Variants in ELOA observed in about 807,000 individuals in gnomAD.
The protein encoded by ELOA is elongin A, also known as elongin-A.
A neutral mutation model predicts 85.2 loss-of-function variants in ELOA; 15 were observed. The observed-to-expected ratio is 0.18, with a 90% CI of 0.12 to 0.27. The LOEUF (loss-of-function observed/expected upper bound fraction) is 0.27, where lower values mean the gene tolerates loss of function less well. Ranked by LOEUF, ELOA falls within the 10% of genes least tolerant of loss-of-function variation. ELOA has a pLI of 1.00. For synonymous variants in ELOA, 348 were observed against 357.2 expected (o/e 0.97, Z 0.29); for missense variants, 769 against 952.7 (o/e 0.81, Z 2.54).
chr1:23,758,661 AAGGGGATG>A (rs1638249222), intron 10 of ELOA, among the ~76,000 whole-genome samples: 1 of 150,406 alleles, frequency 6.6e-6, no homozygotes, highest in South Asian at 2.1e-4. Context: ...CCAGTATCCT[AAGGGGATG>A]TCCTAACTTA....
At position 23,756,371 on chromosome 1, in the gene ELOA, C is replaced by G. The variant is rs1228094847; in HGVS notation, c.2070C>G (p.Val690=). 6.3e-7 allele frequency: 1 copy of G among 1,574,848 alleles called. No homozygotes were observed. The highest frequency in any genetic ancestry group is 1.2e-5 in the South Asian group (1 of 85,710). Residue 690 remains valine (V), a synonymous_variant, in exon 9 of 11, where the codon GTC becomes GTG. Coordinates refer to ENST00000613537, the MANE Select transcript of ELOA (RefSeq NM_003198.3). ...QEKFGTGGAA[V]PEKIKIKPAP... is the part of the protein sequence containing the mutation. ...AGTTTGGAACGGGAGGAGCAGCTGT[C>G]CCTGAGAAAATCAAGTAAGATCTGT...
chr1:23,747,482 C>G (rs1644752172), intron 1 of ELOA, among the ~76,000 whole-genome samples: 1 of 152,210 alleles, frequency 6.6e-6, no homozygotes, highest in South Asian at 2.1e-4. Context: ...AGTGTAGTAG[C>G]TGACACACAA....
chr1:23,759,400 T>C, intron 10 of ELOA, 112 bp from the exon 11 acceptor site: 1 of 991,438 alleles, frequency 1.0e-6, no homozygotes, highest in Non-Finnish European at 1.6e-6. Flanking sequence ...CTTGTATCTC[T>C]GCCTGGTGGT....
chr1:23,746,640 G>A (rs1433842070), intron 1 of ELOA, among the ~76,000 whole-genome samples: 4 of 145,474 alleles, frequency 2.7e-5, no homozygotes, highest in East Asian at 2.0e-4. Context: ...AAGGATCCTC[G>A]TCCTGTGTTA....
intron 1 of ELOA, chr1:23,744,146 C>T (rs1644736354): frequency 6.6e-6 from 1 of 152,258 alleles, no homozygotes; most frequent in African/African-American, 2.4e-5. Context: ...GAATCCCTTT[C>T]AAAACAGAAT....
Position 23,750,859 on chromosome 1 carries a change from A to G in ELOA, c.254A>G (p.Asp85Gly). 1 of 1,583,568 alleles carries G rather than the reference A, an allele frequency of 6.3e-7. No homozygotes were observed. Among genetic ancestry groups the G allele is most frequent in the Non-Finnish European group, 8.6e-7 (1 of 1,168,758 alleles). ...LVPVERNAEP[D>G]EQDFEKSNSR... ...TTTTATTTTAGAAATGCTGAGCCTG[A>G]TGAACAGGACTTTGAGAAGAGCAAT... The change falls in exon 4 of 11, where the codon GAT becomes GGT. Residue 85 changes from aspartate to glycine, a missense_variant. Asp to Gly is a moderately conservative substitution (Grantham distance 94). This residue lies in a region of ELOA where 440 missense variants were observed against 474.0 expected (regional missense o/e 0.93). Coordinates refer to ENST00000613537, the MANE Select transcript of ELOA (RefSeq NM_003198.3).
chr1:23,757,811 G>GAAAAAAAAAAAAA (rs575030502), intron 10 of ELOA, among the ~76,000 whole-genome samples: 1 of 108,450 alleles, frequency 9.2e-6, no homozygotes. Flanking sequence ...CCTGTCTCTG[G>GAAAAAAAAAAAAA]AAAAAAAAAA....
intron 10 of ELOA, 27 bp downstream of exon 10, chr1:23,757,152 ATAT>A (rs754642400): frequency 3.3e-6 from 5 of 1,514,780 alleles, no homozygotes; most frequent in Non-Finnish European, 4.4e-6. Context: ...TCCTGCTCAA[ATAT>A]TATTTCAGCA....
chr1:23,761,410 C>CT lies in ELOA; in HGVS notation c.*1840dup, dbSNP rs911196981. 6.6e-6 allele frequency: 1 copy of CT among 152,088 alleles called. No homozygotes were observed. Among genetic ancestry groups the CT allele is most frequent in the Admixed American group, 6.6e-5 (1 of 15,266 alleles). 9.4% of individuals were successfully genotyped at this position (152,088 alleles called of 1,614,324 possible). ...TTATCTCTTAACTGTGTGTTCAAGT[C>CT]TTTGTCATTGAAACTAGTTTTTCAT... On this transcript the variant is annotated 3_prime_UTR_variant, in exon 11 of 11. Coordinates refer to ENST00000613537, the MANE Select transcript of ELOA (RefSeq NM_003198.3).
Position 23,751,557 on chromosome 1 carries a change from G to A in ELOA, c.952G>A (p.Glu318Lys). Reference protein sequence around the residue: ...SLKKKCLPPSEAASDNHLKKP... With the variant: ...SLKKKCLPPSKAASDNHLKKP... ...GAAGAAGAAGTGTTTGCCTCCCTCA[G>A]AGGCCGCTTCAGACAACCACCTGAA... The change falls in exon 4 of 11, where the codon GAG (glutamate) becomes AAG (lysine). Residue 318 changes from glutamate to lysine, a missense_variant. Coordinates refer to ENST00000613537, the MANE Select transcript of ELOA (RefSeq NM_003198.3). The A allele has an allele frequency of 6.2e-7, 1 of 1,614,198 alleles. No homozygotes were observed. The highest frequency in any genetic ancestry group is 8.5e-7 in the Non-Finnish European group (1 of 1,180,036).
intron 5 of ELOA, among the ~76,000 whole-genome samples, chr1:23,753,807 C>T (rs192675421): frequency 6.6e-6 from 1 of 152,268 alleles, no homozygotes; most frequent in Admixed American, 6.5e-5. Context: ...TGGCTCACTG[C>T]AGCCTCCACC....
Position 23,750,896 on chromosome 1 carries a change from C to T in ELOA, c.291C>T (p.Arg97=). ...QDFEKSNSRK[R]PRDALQKEEE... is the part of the protein sequence containing the mutation. ...TTGAGAAGAGCAATTCCCGAAAGCG[C>T]CCTCGGGATGCCCTGCAGAAGGAGG... Residue 97 remains arginine (R), a synonymous_variant, in exon 4 of 11, where the codon CGC becomes CGT. Coordinates refer to ENST00000613537, the MANE Select transcript of ELOA (RefSeq NM_003198.3). 6.2e-7 allele frequency: 1 copy of T among 1,609,338 alleles called. No individual in the cohort carries two copies. The highest frequency in any genetic ancestry group is 1.1e-5 in the South Asian group (1 of 90,310).
rs1399313549 is a variant in ELOA at position 23,759,683 on chromosome 1, T to C, written c.*110T>C. On this transcript the variant is annotated 3_prime_UTR_variant, in exon 11 of 11. Transcript: ENST00000613537. ...CTGGAGTCTTGCTTTGTGGATCCTT[T>C]TGGTCTCCGAGTCCTGCAGTCTGCA... 1.5e-6 allele frequency: 2 copies of C among 1,331,792 alleles called. No homozygotes were observed. The highest frequency in any genetic ancestry group is 2.1e-6 in the Non-Finnish European group (2 of 937,222). 82.5% of individuals were successfully genotyped at this position (1,331,792 alleles called of 1,614,324 possible).
In ELOA at chr1:23,762,012, A is replaced by G. The variant is rs1638307097; in HGVS notation, c.*2439A>G. ...CCGAGATGAATATTTTAATTAGATA[A>G]GTTATATGAAAAGGAAAATTCCATG... On this transcript the variant is annotated 3_prime_UTR_variant, in exon 11 of 11. Coordinates refer to ENST00000613537, the MANE Select transcript of ELOA (RefSeq NM_003198.3). 1 of 152,188 alleles carries G rather than the reference A, an allele frequency of 6.6e-6. No homozygotes were observed. Among genetic ancestry groups the G allele is most frequent in the Admixed American group, 6.5e-5 (1 of 15,280 alleles). The allele number at this position is 152,188 out of a possible 1,614,324, so 9.4% of individuals were successfully genotyped here. A position where few individuals can be genotyped will look rare whatever the true frequency, so the allele number is the denominator to read the frequency against.
chr1:23,749,661 T>A (rs1382428331), intron 2 of ELOA, among the ~76,000 whole-genome samples, 181 bp from the exon 3 acceptor site: 2 of 152,252 alleles, frequency 1.3e-5, no homozygotes, highest in East Asian at 3.8e-4. Flanking sequence ...TACGCTTTGC[T>A]ACTGTGTGTC....
rs1392015542 is a variant in ELOA, at chr1:23,761,809, C to T, written c.*2236C>T. 1 of 152,098 alleles carries T rather than the reference C, an allele frequency of 6.6e-6. No homozygotes were observed. The highest frequency in any genetic ancestry group is 1.5e-5 in the Non-Finnish European group (1 of 68,008). The allele number at this position is 152,098 out of a possible 1,614,324, so 9.4% of individuals were successfully genotyped here. On this transcript the variant is annotated 3_prime_UTR_variant, in exon 11 of 11. Transcript: ENST00000613537. ...TTTTTTTTCTGTGCTACACTACATA[C>T]AAATCACCAAATTACAAATTACCCT... is the stretch of plus-strand genomic sequence containing the variant.
rs759802657 is a variant in ELOA at position 23,751,131 on chromosome 1, C to A, written c.526C>A (p.His176Asn). ...SSDPESSDYGHVQSPPSCTSP... is the reference protein window; with the variant it reads ...SSDPESSDYGNVQSPPSCTSP... ...AGACCCTGAGTCTTCTGATTATGGC[C>A]ATGTTCAATCCCCTCCATCTTGTAC... Residue 176 changes from histidine (H) to asparagine (N), a missense_variant, in exon 4 of 11, where the codon CAT becomes AAT. By Grantham distance (68) the His-to-Asn change is moderately conservative. Around this residue, in one of 4 missense-constraint regions of ELOA, gnomAD observed 440 missense variants for 474.0 expected, o/e 0.93. Transcript: ENST00000613537. 30 of 1,614,016 alleles carry A rather than the reference C, an allele frequency of 1.9e-5. No homozygotes were observed. The highest frequency in any genetic ancestry group is 2.5e-6 in the Non-Finnish European group (3 of 1,180,050).
rs1338744852 is a variant in ELOA at position 23,756,293 on chromosome 1, C to T, written c.1992C>T (p.Ala664=). The part of the protein sequence containing the change: ...NKPKGRQAKM[A]FVNSVAKPPR... Reference sequence around the variant, plus strand: ...CCACAGGCCGACAAGCAAAGATGGCCTTTGTCAACTCTGTGGCCAAGCCAC... The same window carrying T: ...CCACAGGCCGACAAGCAAAGATGGCTTTTGTCAACTCTGTGGCCAAGCCAC... The change falls in exon 9 of 11, where the codon GCC becomes GCT. Residue 664 remains alanine, a synonymous_variant. Transcript: ENST00000613537. 4 of 1,565,786 alleles carry T rather than the reference C, an allele frequency of 2.6e-6. No homozygotes were observed. Among genetic ancestry groups the T allele is most frequent in the Non-Finnish European group, 3.5e-6 (4 of 1,155,138 alleles).
At chr1:23,746,024 C>T (rs1488041813) in intron 1 of ELOA, among the ~76,000 whole-genome samples, 1 of 152,192 alleles carries the variant, frequency 6.6e-6, no homozygotes, top group Non-Finnish European at 1.5e-5. Context: ...TGCAGTGCCT[C>T]ACACCTGTAA....
Sources: gnomAD v4.1 joint callset for allele counts (sites outside exome capture counted in the v4.1 genomes callset) on GRCh38, gnomAD v4.1.1 for gene constraint, gnomAD v4.1.1 regional missense constraint, MANE v1.5 for transcripts, NCBI Gene and HGNC (gene_info 2026-07-23, HGNC 2026-07-21) for gene names.